Variants in STAB2 observed in about 807,000 individuals in gnomAD.
STAB2 encodes the protein stabilin 2.
A neutral mutation model predicts 338.1 loss-of-function variants in STAB2; 288 were observed. The observed-to-expected ratio is 0.85, with a 90% CI of 0.77 to 0.94. The LOEUF is 0.94. Among genes scored for constraint, STAB2 ranks in the 40% least tolerant of loss-of-function variants. The pLI, the probability that STAB2 is intolerant of heterozygous loss-of-function variation, is 0.00. For synonymous variants in STAB2, 1,202 were observed against 1,193.3 expected, an observed-to-expected ratio of 1.01 and a Z score of -0.15; for missense variants, 3,141 against 3,210.1, an observed-to-expected ratio of 0.98 and a Z score of 0.52.
chr12:103,633,554 C>T (rs73394090), intron 6 of STAB2, among the ~76,000 whole-genome samples: 7 of 151,874 alleles, frequency 4.6e-5, no homozygotes, highest in Non-Finnish European at 8.8e-5. Flanking sequence ...TGATGGCGGG[C>T]GCCTGTAATC....
chr12:103,715,791 A>G (rs1362212609), intron 42 of STAB2, 24 bp from the exon 43 acceptor site: 4 of 1,613,806 alleles, frequency 2.5e-6, no homozygotes, highest in African/African-American at 1.3e-5. Context: ...TTTCCAGGCC[A>G]GATGTTGGCT....
chr12:103,710,734 A>G (rs572026075), intron 39 of STAB2, among the ~76,000 whole-genome samples: 2 of 151,772 alleles, frequency 1.3e-5, no homozygotes, highest in South Asian at 2.1e-4. Context: ...CCTCCGACAC[A>G]AAACAGACCA....
At chr12:103,765,950 AG>A (rs1884924081) in intron 68 of STAB2, 1 of 401,938 alleles carries the variant, frequency 2.5e-6, no homozygotes, top group Non-Finnish European at 4.8e-6. Context: ...ACCTTTTGTG[AG>A]GTGCTTATAC....
At position 103,690,532 on chromosome 12, in the gene STAB2, G is replaced by A. The variant is rs1373725175; in HGVS notation, c.3291G>A (p.Val1097=). ...LQGNFLHLAK[V]DGNITIEGAS... ...GCAACTTCCTTCACTTGGCAAAGGT[G>A]GATGGGGTAAGAGCTCTGGAATTTG... Residue 1097 remains valine, a synonymous_variant, in exon 30 of 69, where the codon GTG becomes GTA. Transcript: ENST00000388887. 7 of 1,613,858 alleles carry A rather than the reference G, an allele frequency of 4.3e-6. No individual in the cohort carries two copies. Among genetic ancestry groups the A allele is most frequent in the Non-Finnish European group, 5.9e-6 (7 of 1,179,794 alleles).
At chr12:103,747,995 C>CAAAA (rs57369480) in intron 58 of STAB2, among the ~76,000 whole-genome samples, 1 of 96,762 alleles carries the variant, frequency 1.0e-5, no homozygotes, top group African/African-American at 3.8e-5. Flanking sequence ...ACTCTGTCTC[C>CAAAA]AAAAAAAAAA....
intron 15 of STAB2, among the ~76,000 whole-genome samples, chr12:103,656,966 G>A (rs971741310): frequency 9.9e-5 from 15 of 152,066 alleles, no homozygotes; most frequent in Admixed American, 2.0e-4. Context: ...GATTACAGGC[G>A]TGAGCCACCG....
At chr12:103,689,424 A>C (rs143101772) in intron 28 of STAB2, among the ~76,000 whole-genome samples, 2 of 151,836 alleles carry the variant, frequency 1.3e-5, no homozygotes, top group African/African-American at 4.8e-5. Flanking sequence ...CGGAGGTTGC[A>C]GTGAGCTGAG....
At chr12:103,750,221 G>A (rs541014982) in intron 59 of STAB2, among the ~76,000 whole-genome samples, 47 of 152,332 alleles carry the variant, frequency 3.1e-4, no homozygotes, top group Admixed American at 7.2e-4. Flanking sequence ...AGTAGAGAGA[G>A]GGGGCAATGC....
At chr12:103,689,494 GA>G (rs11315983) in intron 28 of STAB2, among the ~76,000 whole-genome samples, 59,077 of 145,186 alleles carry the variant, frequency 0.41, 12,261 homozygotes, top group East Asian at 0.53. Context: ...AAAAAAAAAA[GA>G]AAAAAAAAAA....
intron 61 of STAB2, 61 bp from the exon 62 acceptor site, chr12:103,755,241 C>T (rs1314964032): frequency 6.3e-7 from 1 of 1,585,018 alleles, no homozygotes; most frequent in African/African-American, 1.3e-5. Context: ...AGACATTAAC[C>T]AAGTGATGCC....
intron 3 of STAB2, among the ~76,000 whole-genome samples, chr12:103,601,578 C>T (rs911549788): frequency 6.6e-6 from 1 of 152,088 alleles, no homozygotes; most frequent in Admixed American, 6.5e-5. Context: ...AGTGACAGAG[C>T]GAGACTCCAT....
At chr12:103,602,989 A>G (rs923972161) in intron 3 of STAB2, among the ~76,000 whole-genome samples, 4 of 152,108 alleles carry the variant, frequency 2.6e-5, no homozygotes, top group African/African-American at 7.2e-5. Context: ...ATTTTTTTCT[A>G]TATTTTCTTC....
At position 103,735,594 on chromosome 12, in the gene STAB2, T is replaced by A. The variant is rs370326585; in HGVS notation, c.5550+14T>A. On this transcript the variant is annotated intron_variant, in intron 52 of 68. Coordinates refer to ENST00000388887, the MANE Select transcript of STAB2 (RefSeq NM_017564.10). ...GGCAGGGACATCGTGAGTATCATCATGAAGGGTGGGCAGGGAGGGGTTAAC... is the reference window on the plus strand; with the variant it reads ...GGCAGGGACATCGTGAGTATCATCAAGAAGGGTGGGCAGGGAGGGGTTAAC... 3.3e-6 allele frequency: 5 copies of A among 1,535,474 alleles called. No individual in the cohort carries two copies. The highest frequency in any genetic ancestry group is 2.2e-4 in the Middle Eastern group (1 of 4,540).
Position 103,717,645 on chromosome 12 carries a change from A to G in STAB2, c.4612-125A>G. ...TATCATTATAAAATAGATATTACCA[A>G]CGTCAAATAGAGACTCTCCTAACAT... On this transcript the variant is annotated intron_variant, in intron 43 of 68. Transcript: ENST00000388887. 4.1e-6 allele frequency: 3 copies of G among 731,838 alleles called. No individual in the cohort carries two copies. In the South Asian group the frequency reaches 5.2e-5, roughly 13 times the overall value. The allele number at this position is 731,838 out of a possible 1,614,324, so 45.3% of individuals were successfully genotyped here.
At chr12:103,724,797 G>A (rs1881049655) in intron 44 of STAB2, among the ~76,000 whole-genome samples, 178 bp from the exon 45 acceptor site, 1 of 152,166 alleles carries the variant, frequency 6.6e-6, no homozygotes, top group South Asian at 2.1e-4. Context: ...TGAATAAGAT[G>A]CCCCTATGAG....
chr12:103,685,032 G>T lies in STAB2; in HGVS notation c.2945G>T (p.Cys982Phe). The change falls in exon 27 of 69, where the codon TGT becomes TTT. Residue 982 changes from cysteine (C) to phenylalanine (F), a missense_variant. Coordinates refer to ENST00000388887, the MANE Select transcript of STAB2 (RefSeq NM_017564.10). ...TCGTCTGGTGTCTGGAGCTGTGTTT[G>T]TCAAGAGGGCTATGAAGGAGATGGC... ...STSSGVWSCV[C>F]QEGYEGDGFL... The T allele has an allele frequency of 6.2e-7, 1 of 1,614,020 alleles. No individual in the cohort carries two copies. Among genetic ancestry groups the T allele is most frequent in the African/African-American group, 1.3e-5 (1 of 75,012 alleles).
intron 3 of STAB2, among the ~76,000 whole-genome samples, chr12:103,602,804 T>A (rs1956972507): frequency 6.6e-6 from 1 of 152,202 alleles, no homozygotes; most frequent in Non-Finnish European, 1.5e-5. Context: ...AGATATTAGA[T>A]GTGTGCTTTG....
intron 25 of STAB2, among the ~76,000 whole-genome samples, chr12:103,680,635 C>A (rs1278711690): frequency 6.6e-6 from 1 of 152,246 alleles, no homozygotes; most frequent in Admixed American, 6.5e-5. Context: ...CCACTCCCAT[C>A]AGCCCTTGTG....
At chr12:103,647,702 A>G (rs1214431589) in intron 9 of STAB2, among the ~76,000 whole-genome samples, 1 of 152,194 alleles carries the variant, frequency 6.6e-6, no homozygotes, top group African/African-American at 2.4e-5. Context: ...TGGCATATTA[A>G]CCATGGAAAT....
Sources: gnomAD v4.1 joint callset for allele counts (sites outside exome capture counted in the v4.1 genomes callset) on GRCh38, gnomAD v4.1.1 for gene constraint, MANE v1.5 for transcripts, NCBI Gene and HGNC (gene_info 2026-07-23, HGNC 2026-07-21) for gene names.